Variants in TRAK1 observed in about 807,000 individuals in gnomAD.
TRAK1 encodes trafficking kinesin protein 1.
In TRAK1, 33 loss-of-function variants were observed where a neutral mutation model predicts 92.1. The ratio of observed to expected loss-of-function variants is 0.36; its 90% CI spans 0.27 to 0.48. TRAK1 has a LOEUF of 0.48. Ranked by LOEUF, TRAK1 falls within the 20% of genes least tolerant of loss-of-function variation. The pLI, the probability that TRAK1 is intolerant of heterozygous loss-of-function variation, is 0.99. For missense variants in TRAK1, 1,123 were observed against 1,257.9 expected (o/e 0.89, Z 1.62); for synonymous variants, 521 against 517.3 (o/e 1.01, Z -0.10).
intron 2 of TRAK1, among the ~76,000 whole-genome samples, chr3:42,154,412 G>T (rs187997301): frequency 2.6e-5 from 4 of 152,140 alleles, no homozygotes; most frequent in South Asian, 2.1e-4. Flanking sequence ...ATCTCAGGTG[G>T]TCTGCTTGCC....
chr3:42,060,625 C>CTTTTTTTTT (rs1299725245), intron 1 of TRAK1, among the ~76,000 whole-genome samples: 5 of 123,300 alleles, frequency 4.1e-5, no homozygotes, highest in African/African-American at 1.6e-4. Flanking sequence ...TTTTTGGCTG[C>CTTTTTTTTT]TTTTTTTTTT....
chr3:42,220,536 G>A (rs543682691), intron 15 of TRAK1: 33 of 985,412 alleles, frequency 3.3e-5, no homozygotes, highest in Admixed American at 3.1e-4. Context: ...CATATGCCCC[G>A]TTGAGCTGAG....
chr3:42,099,047 C>T (rs1256308921), intron 1 of TRAK1, among the ~76,000 whole-genome samples: 1 of 150,840 alleles, frequency 6.6e-6, no homozygotes, highest in Non-Finnish European at 1.5e-5. Flanking sequence ...AAGGGGGTTG[C>T]AGTCAGGGAG....
chr3:42,050,194 T>A (rs1469423354), intron 1 of TRAK1, among the ~76,000 whole-genome samples: 1 of 139,178 alleles, frequency 7.2e-6, no homozygotes, highest in Non-Finnish European at 1.6e-5. Flanking sequence ...TGGGGGGGTG[T>A]GAGAGTCGGG....
In TRAK1 at chr3:42,201,185, G is replaced by A. The variant is rs186120692; in HGVS notation, c.1427+131G>A. On this transcript the variant is annotated intron_variant, in intron 12 of 15. Transcript: ENST00000327628. ...CTGAAAAATACAGACCTGGCCGGGC[G>A]TGGTGGCTCGCGCCTATAATCCTAG... The A allele has an allele frequency of 3.8e-4, 382 of 1,002,068 alleles. 4 individuals are homozygous for A. The African/African-American group carries it at 5.4e-3, about 14-fold the overall frequency. The allele number at this position is 1,002,068 out of a possible 1,614,324, so 62.1% of individuals were successfully genotyped here.
At chr3:42,212,003 G>A in intron 14 of TRAK1, 1 of 985,394 alleles carries the variant, frequency 1.0e-6, no homozygotes, top group African/African-American at 1.7e-5. Flanking sequence ...TCTGGGTAAG[G>A]CTCATCTTTA....
At chr3:42,053,267 T>C (rs1186153991) in intron 1 of TRAK1, among the ~76,000 whole-genome samples, 1 of 151,614 alleles carries the variant, frequency 6.6e-6, no homozygotes, top group Non-Finnish European at 1.5e-5. Context: ...CGAGCTCATT[T>C]TCCGTGTGAA....
intron 1 of TRAK1, among the ~76,000 whole-genome samples, chr3:42,027,245 C>T (rs1372701957): frequency 2.0e-5 from 3 of 152,066 alleles, no homozygotes; most frequent in South Asian, 2.1e-4. Flanking sequence ...GCTTTTTGGC[C>T]GGGCGTGGTG....
intron 2 of TRAK1, among the ~76,000 whole-genome samples, chr3:42,138,904 T>A (rs1175932168): frequency 1.3e-5 from 2 of 150,254 alleles, no homozygotes; most frequent in Non-Finnish European, 3.0e-5. Flanking sequence ...TGTGTGTGTG[T>A]GTGTGTGTGT....
intron 2 of TRAK1, among the ~76,000 whole-genome samples, chr3:42,171,765 G>A (rs1203026476): frequency 6.6e-6 from 1 of 152,150 alleles, no homozygotes; most frequent in Admixed American, 6.5e-5. Context: ...GATCTCCTTG[G>A]CATCAGGCAG....
At chr3:42,124,211 C>T (rs1710271878) in intron 1 of TRAK1, among the ~76,000 whole-genome samples, 1 of 151,808 alleles carries the variant, frequency 6.6e-6, no homozygotes, top group Non-Finnish European at 1.5e-5. Flanking sequence ...AAGAGTCATT[C>T]CTAGAACAAA....
At chr3:42,032,491 A>AAAAC (rs1405802658) in intron 1 of TRAK1, among the ~76,000 whole-genome samples, 5 of 152,194 alleles carry the variant, frequency 3.3e-5, no homozygotes, top group African/African-American at 1.2e-4. Flanking sequence ...AAAAAAAAAA[A>AAAAC]AAAAACCATC....
rs372477500 is a variant in TRAK1 at position 42,181,834 on chromosome 3, C to T, written c.364-2851C>T. Among the ~76,000 whole-genome samples, 13 of 152,282 alleles carry T rather than the reference C, an allele frequency of 8.5e-5. No individual in the cohort carries two copies. The East Asian group carries it at 1.9e-3, about 23-fold the overall frequency. On this transcript the variant is annotated intron_variant, in intron 3 of 15. Transcript: ENST00000327628. ...GGACTAGGTGCTAATTTTCAGTCAG[C>T]CTCTGGAGACTTTAATTCTGTGCAG...
rs1394896843 is a variant in TRAK1, at chr3:42,160,563, G to GTT, written c.287-16247_287-16246dup. 2,962 of 992,520 alleles carry GTT rather than the reference G, an allele frequency of 3.0e-3. 6 individuals carry two copies. Among genetic ancestry groups the GTT allele is most frequent in the East Asian group, 5.2e-3 (142 of 27,132 alleles). The allele number at this position is 992,520 out of a possible 1,614,324, so 61.5% of individuals were successfully genotyped here. ...TTTGCTGATTTCATAGCACTGTTTT[G>GTT]TTTTTGTTTTTTTTTAAGTTGAGGT... is the stretch of plus-strand genomic sequence containing the variant. On this transcript the variant is annotated intron_variant, in intron 2 of 15. Transcript: ENST00000327628.
intron 1 of TRAK1, among the ~76,000 whole-genome samples, chr3:42,121,357 T>G (rs1395090535): frequency 6.6e-6 from 1 of 151,646 alleles, no homozygotes; most frequent in Non-Finnish European, 1.5e-5. Flanking sequence ...CCTCCGGGGT[T>G]CACACCATTC....
At chr3:42,036,046 T>G (rs1462797220) in intron 1 of TRAK1, among the ~76,000 whole-genome samples, 1 of 152,248 alleles carries the variant, frequency 6.6e-6, no homozygotes, top group Non-Finnish European at 1.5e-5. Flanking sequence ...TCAGCAGTTT[T>G]GACAGTGGCC....
chr3:42,160,420 AAG>A, intron 2 of TRAK1: 1 of 1,614,226 alleles, frequency 6.2e-7, no homozygotes, highest in Non-Finnish European at 8.5e-7. Flanking sequence ...TGCCAGGATG[AAG>A]AGAGGAAGCC....
At chr3:42,134,098 A>C (rs542994485) in intron 2 of TRAK1, among the ~76,000 whole-genome samples, 3 of 152,210 alleles carry the variant, frequency 2.0e-5, no homozygotes, top group South Asian at 2.1e-4. Context: ...GCCTAGGCAC[A>C]TGAGACAGTG....
chr3:42,146,220 C>T (rs1046749243), intron 2 of TRAK1: 11 of 302,554 alleles, frequency 3.6e-5, no homozygotes, highest in Non-Finnish European at 4.8e-5. Flanking sequence ...TATCCAAATG[C>T]GTCTTCAATA....
Sources: gnomAD v4.1 joint callset for allele counts (sites outside exome capture counted in the v4.1 genomes callset) on GRCh38, gnomAD v4.1.1 for gene constraint, MANE v1.5 for transcripts, NCBI Gene and HGNC (gene_info 2026-07-23, HGNC 2026-07-21) for gene names.